PPP3CA: variants seen among roughly 807,000 people sequenced by gnomAD.
The protein encoded by PPP3CA is CAM-PRP catalytic subunit.
Under a neutral mutation model 66.5 loss-of-function variants are expected in PPP3CA, and 14 were observed. The observed-to-expected ratio is 0.21, with a 90% CI of 0.14 to 0.33. The LOEUF is 0.33. PPP3CA is among the 10% of genes least tolerant of loss of function. The pLI is 1.00. For synonymous variants in PPP3CA, 232 were observed against 226.2 expected, an observed-to-expected ratio of 1.03 and a Z score of -0.23; for missense variants, 317 against 639.5, an observed-to-expected ratio of 0.50 and a Z score of 5.44.
At chr4:101,036,133 G>A (rs1727236271) in intron 11 of PPP3CA, among the ~76,000 whole-genome samples, 1 of 152,162 alleles carries the variant, frequency 6.6e-6, no homozygotes, top group South Asian at 2.1e-4. Context: ...GTGTTATATT[G>A]ATCAAATGTC....
intron 6 of PPP3CA, among the ~76,000 whole-genome samples, chr4:101,091,283 T>TTAACAA (rs1430778626): frequency 6.6e-6 from 1 of 152,118 alleles, no homozygotes; most frequent in Non-Finnish European, 1.5e-5. Context: ...TTGACGTACT[T>TTAACAA]TAACAATGCC....
At chr4:101,315,890 A>C (rs1333045679) in intron 1 of PPP3CA, among the ~76,000 whole-genome samples, 2 of 152,154 alleles carry the variant, frequency 1.3e-5, no homozygotes, top group Non-Finnish European at 2.9e-5. Flanking sequence ...TAAACTAAAA[A>C]CCATGGTTTC....
intron 1 of PPP3CA, among the ~76,000 whole-genome samples, chr4:101,344,591 T>C (rs974775839): frequency 4.6e-5 from 7 of 152,186 alleles, no homozygotes; most frequent in African/African-American, 1.7e-4. Context: ...TTTTAAATTA[T>C]GGGTGAGTGT....
At chr4:101,275,638 T>G (rs1727465514) in intron 1 of PPP3CA, among the ~76,000 whole-genome samples, 1 of 152,164 alleles carries the variant, frequency 6.6e-6, no homozygotes, top group Non-Finnish European at 1.5e-5. Context: ...TCAAGGTCAT[T>G]CTCATATTTA....
At chr4:101,215,714 T>C (rs1335097254) in intron 1 of PPP3CA, among the ~76,000 whole-genome samples, 2 of 152,106 alleles carry the variant, frequency 1.3e-5, no homozygotes, top group Admixed American at 1.3e-4. Flanking sequence ...GTTTTCATCA[T>C]GTAAGCATTT....
chr4:101,156,412 G>A (rs1397314981), intron 2 of PPP3CA, among the ~76,000 whole-genome samples: 1 of 152,210 alleles, frequency 6.6e-6, no homozygotes, highest in East Asian at 1.9e-4. Flanking sequence ...CAGGCAAAGT[G>A]GCTCCCGCCT....
At chr4:101,210,805 C>T (rs565792123) in intron 1 of PPP3CA, among the ~76,000 whole-genome samples, 7 of 152,028 alleles carry the variant, frequency 4.6e-5, no homozygotes, top group Admixed American at 1.3e-4. Context: ...TCTTACAAGG[C>T]GGCCTACAAA....
Position 101,063,684 on chromosome 4 carries a change from T to C in PPP3CA, c.956-327A>G, listed in dbSNP as rs188322865. ...TACTTTGGTCTTAAAATTTGATATC[T>C]GATGACACTAATAAAAGTGGCACAG... On this transcript the variant is annotated intron_variant, in intron 8 of 13. Transcript: ENST00000394854. Among the ~76,000 whole-genome samples, 4 of 152,100 alleles carry C rather than the reference T, an allele frequency of 2.6e-5. No homozygotes were observed. The East Asian group carries it at 7.7e-4, about 29-fold the overall frequency.
chr4:101,224,664 T>A (rs571806964), intron 1 of PPP3CA, among the ~76,000 whole-genome samples: 1 of 151,940 alleles, frequency 6.6e-6, no homozygotes, highest in South Asian at 2.1e-4. Flanking sequence ...TTGAGGTATG[T>A]GTGTTACAAA....
intron 1 of PPP3CA, among the ~76,000 whole-genome samples, chr4:101,269,140 G>A (rs1727255188): frequency 6.6e-6 from 1 of 152,024 alleles, no homozygotes. Context: ...TTACACAGAT[G>A]CCCTCCTCAT....
intron 10 of PPP3CA, among the ~76,000 whole-genome samples, chr4:101,060,563 A>T (rs1164344218): frequency 1.3e-5 from 2 of 152,250 alleles, no homozygotes; most frequent in African/African-American, 4.8e-5. Context: ...GTAATATCTT[A>T]AAAAACATAA....
chr4:101,281,589 T>C (rs1727686049), intron 1 of PPP3CA, among the ~76,000 whole-genome samples: 1 of 152,292 alleles, frequency 6.6e-6, no homozygotes, highest in East Asian at 1.9e-4. Context: ...TCAAAAAAAT[T>C]TGCCACAACT....
intron 13 of PPP3CA, 147 bp from the exon 14 acceptor site, chr4:101,026,208 C>A (rs1425438716): frequency 3.3e-5 from 20 of 614,564 alleles, no homozygotes; most frequent in Non-Finnish European, 5.1e-5. Flanking sequence ...GCACACCACA[C>A]AACAGACTCC....
At chr4:101,229,701 A>C (rs1328147511) in intron 1 of PPP3CA, among the ~76,000 whole-genome samples, 1 of 151,586 alleles carries the variant, frequency 6.6e-6, no homozygotes, top group Non-Finnish European at 1.5e-5. Context: ...CCTTGGGCCA[A>C]ATGTTGAGTT....
At chr4:101,275,306 C>G (rs775131982) in intron 1 of PPP3CA, among the ~76,000 whole-genome samples, 19 of 152,332 alleles carry the variant, frequency 1.2e-4, no homozygotes, top group Admixed American at 3.3e-4. Flanking sequence ...CATAAAGCAC[C>G]TTCCTGATCC....
chr4:101,191,653 A>G (rs893914883), intron 2 of PPP3CA, among the ~76,000 whole-genome samples: 3 of 152,188 alleles, frequency 2.0e-5, no homozygotes, highest in Non-Finnish European at 4.4e-5. Context: ...GAGGAGAATA[A>G]ACACTGATCT....
At chr4:101,345,751 T>C (rs779443959) in intron 1 of PPP3CA, among the ~76,000 whole-genome samples, 86 of 152,110 alleles carry the variant, frequency 5.7e-4, no homozygotes, top group Non-Finnish European at 1.1e-3. Context: ...TCCCAGTTTC[T>C]CTTTGCCAGC....
At chr4:101,277,026 TA>T (rs2110273127) in intron 1 of PPP3CA, among the ~76,000 whole-genome samples, 1 of 152,092 alleles carries the variant, frequency 6.6e-6, no homozygotes, top group East Asian at 1.9e-4. Flanking sequence ...TTTCAGGTCC[TA>T]AAAGTCCCCT....
At chr4:101,092,090 C>G (rs1214798623) in intron 6 of PPP3CA, among the ~76,000 whole-genome samples, 1 of 151,878 alleles carries the variant, frequency 6.6e-6, no homozygotes, top group Non-Finnish European at 1.5e-5. Flanking sequence ...CATGCAGAAA[C>G]CTAATCGTGT....
Sources: gnomAD v4.1 joint callset for allele counts (sites outside exome capture counted in the v4.1 genomes callset) on GRCh38, gnomAD v4.1.1 for gene constraint, MANE v1.5 for transcripts, NCBI Gene and HGNC (gene_info 2026-07-23, HGNC 2026-07-21) for gene names.